CDK17: variants seen among roughly 807,000 people sequenced by gnomAD.
CDK17 encodes cyclin dependent kinase 17.
A neutral mutation model predicts 77.6 loss-of-function variants in CDK17; 24 were observed. The observed-to-expected ratio is 0.31, with a 90% CI of 0.22 to 0.44. CDK17 has a LOEUF of 0.44. Among genes scored for constraint, CDK17 ranks in the 20% least tolerant of loss-of-function variants. CDK17 has a pLI of 1.00. For missense variants in CDK17, 429 were observed against 622.5 expected (o/e 0.69, Z 3.31); for synonymous variants, 203 against 210.4 (o/e 0.96, Z 0.30).
intron 5 of CDK17, 117 bp downstream of exon 5, chr12:96,310,934 TA>T (rs1952638119): frequency 7.8e-6 from 8 of 1,029,426 alleles, no homozygotes; most frequent in Non-Finnish European, 1.1e-5. Context: ...GAAGGCAATA[TA>T]ATAAAATTTA....
chr12:96,337,012 T>C (rs1388647365), intron 1 of CDK17, among the ~76,000 whole-genome samples: 1 of 152,204 alleles, frequency 6.6e-6, no homozygotes, highest in African/African-American at 2.4e-5. Flanking sequence ...CATATGCATA[T>C]GTATACGGAA....
At chr12:96,347,001 T>C (rs546199595) in intron 1 of CDK17, among the ~76,000 whole-genome samples, 2 of 151,252 alleles carry the variant, frequency 1.3e-5, no homozygotes, top group African/African-American at 2.4e-5. Flanking sequence ...TCCATGCAAA[T>C]AGTAACCAAA....
At chr12:96,399,569 C>A (rs34376103) in intron 1 of CDK17, among the ~76,000 whole-genome samples, 8,981 of 152,050 alleles carry the variant, frequency 0.059, 360 homozygotes, top group Admixed American at 0.09. Flanking sequence ...GCGTCGCCTG[C>A]GCCTCCAGCT....
intron 1 of CDK17, among the ~76,000 whole-genome samples, chr12:96,366,756 G>A (rs1292075113): frequency 6.6e-6 from 1 of 152,240 alleles, no homozygotes; most frequent in South Asian, 2.1e-4. Context: ...CAAGATTATA[G>A]ATAGCTCAAT....
At chr12:96,390,946 G>A (rs1954057643) in intron 1 of CDK17, among the ~76,000 whole-genome samples, 1 of 151,492 alleles carries the variant, frequency 6.6e-6, no homozygotes, top group African/African-American at 2.4e-5. Flanking sequence ...AATTAGCCAG[G>A]CATGGTGGCA....
At chr12:96,376,336 C>A (rs1953782103) in intron 1 of CDK17, among the ~76,000 whole-genome samples, 1 of 152,162 alleles carries the variant, frequency 6.6e-6, no homozygotes, top group Non-Finnish European at 1.5e-5. Context: ...ATATCATGAT[C>A]CTCACCTAAT....
chr12:96,377,989 G>A (rs1482954086), intron 1 of CDK17, among the ~76,000 whole-genome samples: 4 of 152,062 alleles, frequency 2.6e-5, no homozygotes, highest in Non-Finnish European at 4.4e-5. Context: ...CACTGCGCCC[G>A]GCCCAGAAGC....
At chr12:96,323,633 ATGATC>A (rs2137125507) in intron 3 of CDK17, among the ~76,000 whole-genome samples, 1 of 152,280 alleles carries the variant, frequency 6.6e-6, no homozygotes, top group East Asian at 1.9e-4. Flanking sequence ...TTATATGGTG[ATGATC>A]TGAAAAGTTA....
intron 2 of CDK17, among the ~76,000 whole-genome samples, chr12:96,327,627 A>G (rs1417105446): frequency 6.6e-6 from 1 of 151,972 alleles, no homozygotes; most frequent in Non-Finnish European, 1.5e-5. Context: ...AGCTCACTGC[A>G]GCCTCAACCA....
intron 1 of CDK17, among the ~76,000 whole-genome samples, chr12:96,343,822 C>T (rs189839231): frequency 1.2e-4 from 18 of 152,232 alleles, no homozygotes; most frequent in Admixed American, 3.3e-4. Context: ...ACAAAGCACA[C>T]AAACAGGAAA....
chr12:96,358,018 T>C (rs571331101), intron 1 of CDK17, among the ~76,000 whole-genome samples: 1 of 152,134 alleles, frequency 6.6e-6, no homozygotes, highest in African/African-American at 2.4e-5. Flanking sequence ...TACAACCACA[T>C]GCAACAAGGA....
At chr12:96,285,294 T>C (rs1040615442) in intron 13 of CDK17, among the ~76,000 whole-genome samples, 2 of 152,186 alleles carry the variant, frequency 1.3e-5, no homozygotes, top group African/African-American at 4.8e-5. Flanking sequence ...TTTAAAAATA[T>C]TTTTGGTGTC....
At chr12:96,367,616 T>A (rs1022947499) in intron 1 of CDK17, among the ~76,000 whole-genome samples, 3 of 152,106 alleles carry the variant, frequency 2.0e-5, no homozygotes, top group African/African-American at 7.2e-5. Flanking sequence ...GTCCCTCTTA[T>A]CAATCCAGTA....
intron 1 of CDK17, among the ~76,000 whole-genome samples, chr12:96,392,580 G>A (rs947327400): frequency 6.6e-6 from 1 of 152,170 alleles, no homozygotes. Context: ...AAGGGGAAAT[G>A]AGCATAACAG....
chr12:96,323,339 C>G (rs1374306703), intron 3 of CDK17, among the ~76,000 whole-genome samples: 1 of 151,374 alleles, frequency 6.6e-6, no homozygotes, highest in African/African-American at 2.4e-5. Flanking sequence ...ACAGGTAGTT[C>G]CAGCTACTCA....
chr12:96,330,878 G>T (rs940939805), intron 2 of CDK17, among the ~76,000 whole-genome samples: 3 of 152,154 alleles, frequency 2.0e-5, no homozygotes, highest in Non-Finnish European at 2.9e-5. Context: ...GAACAGAATT[G>T]TTGGGTCATA....
At chr12:96,386,495 A>C (rs1953978237) in intron 1 of CDK17, among the ~76,000 whole-genome samples, 1 of 152,006 alleles carries the variant, frequency 6.6e-6, no homozygotes, top group South Asian at 2.1e-4. Context: ...CTCTCCACAA[A>C]AATCTTTAAA....
At chr12:96,283,764 CTTG>C (rs1157389900) in intron 13 of CDK17, 119 bp from the exon 14 acceptor site, 20 of 623,112 alleles carry the variant, frequency 3.2e-5, no homozygotes, top group Non-Finnish European at 4.7e-5. Flanking sequence ...AATAGTCACT[CTTG>C]TTGTCTTCAA....
At chr12:96,355,282 T>C (rs1407985977) in intron 1 of CDK17, among the ~76,000 whole-genome samples, 1 of 151,800 alleles carries the variant, frequency 6.6e-6, no homozygotes, top group Non-Finnish European at 1.5e-5. Context: ...TACTCAAATA[T>C]CACTTCCCTG....
Sources: allele counts gnomAD v4.1 joint callset (sites outside exome capture counted in the v4.1 genomes callset), GRCh38; gene constraint gnomAD v4.1.1; transcripts MANE v1.5; gene names NCBI Gene and HGNC (gene_info 2026-07-23, HGNC 2026-07-21).